KCNK13: variants seen among roughly 807,000 people sequenced by gnomAD.
KCNK13 encodes potassium two pore domain channel subfamily K member 13, also known as potassium channel subfamily K member 13.
KCNK13 carries 12 observed loss-of-function variants against 23.4 expected under a neutral mutation model. The observed-to-expected ratio is 0.51, with a 90% CI of 0.33 to 0.83. The LOEUF (loss-of-function observed/expected upper bound fraction) is 0.83. Ranked by LOEUF, KCNK13 falls within the 40% of genes least tolerant of loss-of-function variation. The pLI is 0.02. For synonymous variants in KCNK13, 231 were observed against 229.5 expected (o/e 1.01, Z -0.06); for missense variants, 463 against 556.3 (o/e 0.83, Z 1.69).
At chr14:90,068,206 A>G (rs558811747) in intron 1 of KCNK13, among the ~76,000 whole-genome samples, 14 of 152,284 alleles carry the variant, frequency 9.2e-5, no homozygotes, top group Admixed American at 1.3e-4. Flanking sequence ...AAATCAAGTC[A>G]CAGAACCACC....
intron 1 of KCNK13, among the ~76,000 whole-genome samples, chr14:90,090,832 C>T (rs1445825227): frequency 2.0e-5 from 3 of 152,238 alleles, no homozygotes; most frequent in African/African-American, 7.2e-5. Flanking sequence ...CTCTCTTTGC[C>T]TGCCGCCATC....
At chr14:90,082,527 A>G (rs1889226220) in intron 1 of KCNK13, among the ~76,000 whole-genome samples, 6 of 152,114 alleles carry the variant, frequency 3.9e-5, no homozygotes, top group Admixed American at 3.3e-4. Flanking sequence ...GAATCATACA[A>G]CATGTGGGCT....
intron 1 of KCNK13, among the ~76,000 whole-genome samples, chr14:90,118,126 G>A (rs577477684): frequency 6.6e-6 from 1 of 152,294 alleles, no homozygotes; most frequent in South Asian, 2.1e-4. Context: ...GGCTTTTATT[G>A]GGCTGGTAGC....
rs570390838 is a variant in KCNK13, at chr14:90,136,678, C to T, written c.335-47433C>T. Among the ~76,000 whole-genome samples, 5 of 152,162 alleles carry T rather than the reference C, an allele frequency of 3.3e-5. No homozygotes were observed. The South Asian group carries it at 1.0e-3, about 32-fold the overall frequency. On this transcript the variant is annotated intron_variant, in intron 1 of 1. Transcript: ENST00000282146. ...AACTGAGTTTTGAGCTATTTGAGAG[C>T]AAGGAGTCCTTCATCTCTGTCCTGT...
At chr14:90,139,466 G>C (rs569245071) in intron 1 of KCNK13, among the ~76,000 whole-genome samples, 1 of 814 alleles carries the variant, frequency 1.2e-3, no homozygotes, top group East Asian at 0.062. Flanking sequence ...GCAAGACTTC[G>C]AGCATGCGGG....
intron 1 of KCNK13, among the ~76,000 whole-genome samples, chr14:90,116,736 G>A (rs991680060): frequency 1.3e-5 from 2 of 152,122 alleles, no homozygotes; most frequent in East Asian, 1.9e-4. Flanking sequence ...CATACCCCAC[G>A]GGTCTGTGTC....
chr14:90,119,140 T>C (rs1889708472), intron 1 of KCNK13, among the ~76,000 whole-genome samples: 1 of 151,960 alleles, frequency 6.6e-6, no homozygotes, highest in Non-Finnish European at 1.5e-5. Context: ...CAAAATTGAA[T>C]CAGTAATAAA....
At chr14:90,108,568 G>T (rs1045639815) in intron 1 of KCNK13, among the ~76,000 whole-genome samples, 1 of 152,046 alleles carries the variant, frequency 6.6e-6, no homozygotes, top group African/African-American at 2.4e-5. Flanking sequence ...TGTCCACCTT[G>T]TCCTCTCACA....
At chr14:90,170,820 T>TA (rs2140443453) in intron 1 of KCNK13, among the ~76,000 whole-genome samples, 1 of 150,916 alleles carries the variant, frequency 6.6e-6, no homozygotes, top group African/African-American at 2.4e-5. Context: ...AACAATCAGA[T>TA]ATGCATTTGT....
At chr14:90,143,199 T>TTTCTTTTCTTTTCTTTTCTTTTC in intron 1 of KCNK13, among the ~76,000 whole-genome samples, 1 of 95,688 alleles carries the variant, frequency 1.0e-5, no homozygotes, top group Non-Finnish European at 2.2e-5. Context: ...TCTTTCTTTC[T>TTTCTTTTCTTTTCTTTTCTTTTC]TTTCTTTCTT....
intron 1 of KCNK13, among the ~76,000 whole-genome samples, chr14:90,152,157 A>G (rs1890140275): frequency 6.6e-6 from 1 of 152,114 alleles, no homozygotes; most frequent in South Asian, 2.1e-4. Flanking sequence ...TGCTGTTCTC[A>G]TGGTAGTGAA....
At chr14:90,070,853 G>A (rs572615439) in intron 1 of KCNK13, among the ~76,000 whole-genome samples, 1 of 152,318 alleles carries the variant, frequency 6.6e-6, no homozygotes, top group African/African-American at 2.4e-5. Context: ...GCTGGTGAGA[G>A]CTTACCTCCA....
intron 1 of KCNK13, among the ~76,000 whole-genome samples, chr14:90,079,097 C>T (rs1424024649): frequency 2.0e-5 from 3 of 152,148 alleles, no homozygotes; most frequent in South Asian, 2.1e-4. Context: ...CTCTTCAGCT[C>T]GGTGGTGTAA....
chr14:90,163,411 CT>C (rs1890271254), intron 1 of KCNK13, among the ~76,000 whole-genome samples: 1 of 152,202 alleles, frequency 6.6e-6, no homozygotes, highest in African/African-American at 2.4e-5. Flanking sequence ...ATAGGAGAGC[CT>C]CTGAGATATG....
chr14:90,180,840 TTTGACTCACTGTGGC>T (rs1408480875), intron 1 of KCNK13, among the ~76,000 whole-genome samples: 3 of 152,130 alleles, frequency 2.0e-5, no homozygotes, highest in African/African-American at 7.2e-5. Flanking sequence ...TGTGTTGGCC[TTTGACTCACTGTGGC>T]TTGATTTTTT....
intron 1 of KCNK13, among the ~76,000 whole-genome samples, chr14:90,138,108 T>C (rs145931476): frequency 6.6e-6 from 1 of 152,346 alleles, no homozygotes; most frequent in East Asian, 1.9e-4. Context: ...AGCAATTAAT[T>C]TGACTTTTTA....
intron 1 of KCNK13, among the ~76,000 whole-genome samples, chr14:90,072,808 G>A (rs1014075995): frequency 6.6e-6 from 1 of 151,908 alleles, no homozygotes; most frequent in Admixed American, 6.6e-5. Context: ...ATGCAGAATG[G>A]TTTAACTATC....
intron 1 of KCNK13, among the ~76,000 whole-genome samples, chr14:90,065,816 A>G (rs1373513646): frequency 6.6e-6 from 1 of 152,210 alleles, no homozygotes; most frequent in Non-Finnish European, 1.5e-5. Context: ...AGGAAATGAT[A>G]ACACGATCCC....
At position 90,062,561 on chromosome 14, in the gene KCNK13, G is replaced by C. The variant is rs1888958042; in HGVS notation, c.334+22G>C. 7.0e-7 allele frequency: 1 copy of C among 1,432,902 alleles called. No homozygotes were observed. The highest frequency in any genetic ancestry group is 1.5e-5 in the South Asian group (1 of 67,100). The allele number at this position is 1,432,902 out of a possible 1,614,324, so 88.8% of individuals were successfully genotyped here. On this transcript the variant is annotated intron_variant, in intron 1 of 1. Transcript: ENST00000282146. This position sits in a 1 kb window ranked among gnomAD's most constrained non-coding sequence, Gnocchi z 4.5. ...ATAGGTAAGTGTGCTGGCCGGACTC[G>C]CTGACAACCTCCGGGCGGCCTCCAC...
Sources: allele counts gnomAD v4.1 joint callset (sites outside exome capture counted in the v4.1 genomes callset), GRCh38; gene constraint gnomAD v4.1.1; non-coding constraint Gnocchi (gnomAD v3.1); transcripts MANE v1.5; gene names NCBI Gene and HGNC (gene_info 2026-07-23, HGNC 2026-07-21).